The following FZR1 variants were observed in gnomAD, a reference collection of about 807,000 sequenced individuals.
The protein encoded by FZR1 is fizzy and cell division cycle 20 related 1.
A neutral mutation model predicts 63.6 loss-of-function variants in FZR1; 11 were observed. That is an observed-to-expected ratio of 0.17 (90% CI 0.11 to 0.29). FZR1 has a LOEUF of 0.29. Among genes scored for constraint, FZR1 ranks in the 10% least tolerant of loss-of-function variants. The pLI, the probability that FZR1 is intolerant of heterozygous loss-of-function variation, is 1.00. For synonymous variants in FZR1, 328 were observed against 297.9 expected (o/e 1.10, Z -1.04); for missense variants, 440 against 687.5 (o/e 0.64, Z 4.03).
At chr19:3,527,531 TG>T in intron 6 of FZR1, 99 bp from the exon 7 acceptor site, 2 of 901,608 alleles carry the variant, frequency 2.2e-6, no homozygotes, top group Non-Finnish European at 3.4e-6. Flanking sequence ...GGGGCCGGAC[TG>T]GGCTCCTGGG....
chr19:3,531,517 G>C (rs574208912), intron 8 of FZR1, among the ~76,000 whole-genome samples, 197 bp from the exon 9 acceptor site: 1 of 152,368 alleles, frequency 6.6e-6, no homozygotes, highest in East Asian at 1.9e-4. Flanking sequence ...GGCGCAGTGT[G>C]TGCGGGGTGT....
At chr19:3,530,915 TG>T in intron 8 of FZR1, 58 bp downstream of exon 8, 1 of 1,392,118 alleles carries the variant, frequency 7.2e-7, no homozygotes. Flanking sequence ...TTGACAGTGT[TG>T]GGGGCCTTGA....
chr19:3,509,466 G>A (rs775154551), intron 1 of FZR1, among the ~76,000 whole-genome samples: 35 of 152,168 alleles, frequency 2.3e-4, no homozygotes, highest in African/African-American at 6.8e-4. Flanking sequence ...ATTTTTGCTC[G>A]TAGTAGCTTT....
At chr19:3,518,421 G>T (rs183494522) in intron 1 of FZR1, among the ~76,000 whole-genome samples, 1 of 152,306 alleles carries the variant, frequency 6.6e-6, no homozygotes, top group East Asian at 1.9e-4. Flanking sequence ...GTTGGAGAAG[G>T]CCTAGCCAAG....
intron 2 of FZR1, among the ~76,000 whole-genome samples, chr19:3,524,910 C>T (rs969080572): frequency 3.9e-5 from 6 of 152,182 alleles, no homozygotes; most frequent in Non-Finnish European, 5.9e-5. Flanking sequence ...ATAATCACAT[C>T]TGCAAGAAAC....
rs1002790631 is a variant in FZR1, at chr19:3,527,727, C to T, written c.567C>T (p.Tyr189=). The T allele has an allele frequency of 2.0e-5, 32 of 1,612,760 alleles. No individual in the cohort carries two copies. The highest frequency in any genetic ancestry group is 2.6e-5 in the Non-Finnish European group (31 of 1,179,838). ...LDAPELQDDF[Y]LNLVDWSSLN... ...CGCCCGAGCTGCAGGACGACTTCTA[C>T]CTCAATCTGGTGGACTGGTCGTCCC... The change falls in exon 7 of 14, where the codon TAC becomes TAT. Residue 189 remains tyrosine, a synonymous_variant. Coordinates refer to ENST00000441788, the MANE Select transcript of FZR1 (RefSeq NM_016263.4).
In FZR1 at chr19:3,534,585, T is replaced by C. The variant is rs2083278804; in HGVS notation, c.1440+72T>C. 4 of 1,057,994 alleles carry C rather than the reference T, an allele frequency of 3.8e-6. No homozygotes were observed. The African/African-American group carries it at 6.2e-5, about 16-fold the overall frequency. 65.5% of individuals were successfully genotyped at this position (1,057,994 alleles called of 1,614,324 possible). A position where few individuals can be genotyped will look rare whatever the true frequency, so the allele number is the denominator to read the frequency against. ...CCCAGGGTCGTCCCTGTCCCCACTG[T>C]CCTCGGGCGTACCCTCCTCTGGGTT... On this transcript the variant is annotated intron_variant, in intron 13 of 13. Coordinates refer to ENST00000441788, the MANE Select transcript of FZR1 (RefSeq NM_016263.4).
Position 3,533,720 on chromosome 19 carries a change from C to T in FZR1, c.1347+322C>T. On this transcript the variant is annotated intron_variant, in intron 12 of 13. Transcript: ENST00000441788. This position sits in a 1 kb window ranked among gnomAD's most constrained non-coding sequence, Gnocchi z 4.9. ...CTCACAGCTGACCACTCAGATGACC[C>T]TGTGAACGTCCTACACAGTAACTGT... 3.0e-6 allele frequency: 1 copy of T among 332,130 alleles called. No homozygotes were observed. The highest frequency in any genetic ancestry group is 5.6e-6 in the Non-Finnish European group (1 of 177,352). 20.6% of individuals were successfully genotyped at this position (332,130 alleles called of 1,614,324 possible).
chr19:3,520,024 GGGGGCCCCACA>G (rs2083087479), intron 1 of FZR1, among the ~76,000 whole-genome samples: 1 of 152,134 alleles, frequency 6.6e-6, no homozygotes. Context: ...ATCAGTCCCG[GGGGGCCCCACA>G]CCCACACCTT....
intron 1 of FZR1, among the ~76,000 whole-genome samples, chr19:3,521,810 A>G (rs1208298258): frequency 6.6e-6 from 1 of 150,484 alleles, no homozygotes; most frequent in Non-Finnish European, 1.5e-5. Flanking sequence ...AGAACTGCAC[A>G]CTTAAACGTG....
At position 3,535,509 on chromosome 19, in the gene FZR1, A is replaced by G. The variant is rs1011138036; in HGVS notation, c.*673A>G. 1 of 152,976 alleles carries G rather than the reference A, an allele frequency of 6.5e-6. No individual in the cohort carries two copies. The highest frequency in any genetic ancestry group is 1.5e-5 in the Non-Finnish European group (1 of 68,578). The allele number at this position is 152,976 out of a possible 1,614,324, so 9.5% of individuals were successfully genotyped here. On this transcript the variant is annotated 3_prime_UTR_variant, in exon 14 of 14. Transcript: ENST00000441788. The stretch of plus-strand genomic sequence containing the variant: ...GTGTCATGGCCATCGCCCGGCGGTC[A>G]GTGGGCTTCAGATGGGCCTGTGCAT...
At chr19:3,506,693 TC>T (rs943405821) in intron 1 of FZR1, among the ~76,000 whole-genome samples, 25 of 148,404 alleles carry the variant, frequency 1.7e-4, no homozygotes, top group East Asian at 6.0e-4. Flanking sequence ...AATCCCAGCG[TC>T]CCCCCCACGT....
At position 3,533,078 on chromosome 19, in the gene FZR1, C is replaced by T. The variant is rs1162048808; in HGVS notation, c.1243-216C>T. 6.6e-6 allele frequency among the ~76,000 whole-genome samples: 1 copy of T among 152,116 alleles called. No individual in the cohort carries two copies. The highest frequency in any genetic ancestry group is 2.4e-5 in the African/African-American group (1 of 41,426). ...CCCCGTTTGGGTCCTTGTTGGGCTC[C>T]AGCCTTTGGCGGTGGGTGGAGGGGT... On this transcript the variant is annotated intron_variant, in intron 11 of 13. Transcript: ENST00000441788. This position sits in a 1 kb window ranked among gnomAD's most constrained non-coding sequence, Gnocchi z 4.9.
chr19:3,526,482 GTT>G lies in FZR1; in HGVS notation c.387+97_387+98del. The G allele has an allele frequency of 9.7e-7, 1 of 1,029,080 alleles. No individual in the cohort carries two copies. Among genetic ancestry groups the G allele is most frequent in the Non-Finnish European group, 1.4e-6 (1 of 703,338 alleles). The allele number at this position is 1,029,080 out of a possible 1,614,324, so 63.7% of individuals were successfully genotyped here. On this transcript the variant is annotated intron_variant, in intron 5 of 13. Transcript: ENST00000441788. The surrounding 1 kb of genome is among the most constrained non-coding windows in gnomAD (Gnocchi z 5.4). ...CACCAGCTCTGCCTCCCCGAGCCCG[GTT>G]CTCGGGCCCAGCCACGGCTCAGCAC...
chr19:3,525,741 C>A lies in FZR1; in HGVS notation c.70-127C>A. The A allele has an allele frequency of 8.4e-7, 1 of 1,195,320 alleles. No homozygotes were observed. Among genetic ancestry groups the A allele is most frequent in the Non-Finnish European group, 1.2e-6 (1 of 852,240 alleles). 74.0% of individuals were successfully genotyped at this position (1,195,320 alleles called of 1,614,324 possible). A position where few individuals can be genotyped will look rare whatever the true frequency, so the allele number is the denominator to read the frequency against. ...ACGGGCGTGAGCCACCGCGCCTGGCCCACCCCTTGGGTTTTCAAGATCAAA... is the reference window on the plus strand; with the variant it reads ...ACGGGCGTGAGCCACCGCGCCTGGCACACCCCTTGGGTTTTCAAGATCAAA... On this transcript the variant is annotated intron_variant, in intron 2 of 13. Coordinates refer to ENST00000441788, the MANE Select transcript of FZR1 (RefSeq NM_016263.4). The surrounding 1 kb of genome is among the most constrained non-coding windows in gnomAD (Gnocchi z 4.2).
intron 1 of FZR1, among the ~76,000 whole-genome samples, chr19:3,519,668 C>T (rs551670566): frequency 3.3e-5 from 5 of 152,308 alleles, no homozygotes; most frequent in South Asian, 2.1e-4. Flanking sequence ...CCACAGCTGA[C>T]GTCCTCTGTG....
chr19:3,515,119 C>T lies in FZR1; in HGVS notation c.-34-7837C>T, dbSNP rs951390662. 1.3e-5 allele frequency among the ~76,000 whole-genome samples: 2 copies of T among 152,182 alleles called. No individual in the cohort carries two copies. Among genetic ancestry groups the T allele is most frequent in the African/African-American group, 4.8e-5 (2 of 41,448 alleles). On this transcript the variant is annotated intron_variant, in intron 1 of 13. Coordinates refer to ENST00000441788, the MANE Select transcript of FZR1 (RefSeq NM_016263.4). This position sits in a 1 kb window ranked among gnomAD's most constrained non-coding sequence, Gnocchi z 4.6. The stretch of plus-strand genomic sequence containing the variant: ...GGCCACACAGGCAGAGCCACAGCAG[C>T]ATCCCCACTAGGCACCCCCGGGCCA...
Position 3,526,477 on chromosome 19 carries a change from GC to G in FZR1, c.387+94del, listed in dbSNP as rs1433924952. The G allele has an allele frequency of 2.3e-5, 26 of 1,110,132 alleles. No individual in the cohort carries two copies. Among genetic ancestry groups the G allele is most frequent in the Non-Finnish European group, 3.2e-5 (25 of 775,734 alleles). 68.8% of individuals were successfully genotyped at this position (1,110,132 alleles called of 1,614,324 possible). On this transcript the variant is annotated intron_variant, in intron 5 of 13. Coordinates refer to ENST00000441788, the MANE Select transcript of FZR1 (RefSeq NM_016263.4). The surrounding 1 kb of genome is among the most constrained non-coding windows in gnomAD (Gnocchi z 5.4). The stretch of plus-strand genomic sequence containing the variant: ...CCAGGCACCAGCTCTGCCTCCCCGA[GC>G]CCGGTTCTCGGGCCCAGCCACGGCT...
intron 1 of FZR1, among the ~76,000 whole-genome samples, chr19:3,510,261 C>T (rs927970137): frequency 6.6e-6 from 1 of 152,144 alleles, no homozygotes; most frequent in Non-Finnish European, 1.5e-5. Context: ...CTCAGTCTCC[C>T]GAGTAGCTGG....
Sources: gnomAD v4.1 joint callset for allele counts (sites outside exome capture counted in the v4.1 genomes callset) on GRCh38, gnomAD v4.1.1 for gene constraint, Gnocchi (gnomAD v3.1) non-coding constraint, MANE v1.5 for transcripts, NCBI Gene and HGNC (gene_info 2026-07-23, HGNC 2026-07-21) for gene names.